CBLB: variants seen among roughly 807,000 people sequenced by gnomAD.
The protein encoded by CBLB is Cbl proto-oncogene B.
Under a neutral mutation model 104.9 loss-of-function variants are expected in CBLB, and 31 were observed. The ratio of observed to expected loss-of-function variants is 0.30; its 90% CI spans 0.22 to 0.40. The LOEUF (loss-of-function observed/expected upper bound fraction) is 0.40. CBLB is among the 10% of genes least tolerant of loss of function. CBLB has a pLI of 1.00. For missense variants in CBLB, 1,062 were observed against 1,214.6 expected (o/e 0.87, Z 1.87); for synonymous variants, 440 against 422.6 (o/e 1.04, Z -0.51).
chr3:105,779,506 T>C (rs528869555), intron 3 of CBLB, among the ~76,000 whole-genome samples: 1 of 150,640 alleles, frequency 6.6e-6, no homozygotes, highest in East Asian at 1.9e-4. Context: ...TATATGCATA[T>C]ATACATACAC....
chr3:105,707,670 T>C (rs2070378764), intron 10 of CBLB, among the ~76,000 whole-genome samples: 1 of 152,170 alleles, frequency 6.6e-6, no homozygotes, highest in South Asian at 2.1e-4. Context: ...TTTAATTTAT[T>C]TGAGTCATCA....
At chr3:105,688,928 C>T (rs2067335861) in intron 13 of CBLB, among the ~76,000 whole-genome samples, 1 of 152,052 alleles carries the variant, frequency 6.6e-6, no homozygotes, top group Non-Finnish European at 1.5e-5. Flanking sequence ...TTGCTTTGTA[C>T]TTGTGTTCTA....
At chr3:105,720,342 C>G in intron 9 of CBLB, 92 bp from the exon 10 acceptor site, 1 of 1,264,672 alleles carries the variant, frequency 7.9e-7, no homozygotes, top group Non-Finnish European at 1.1e-6. Flanking sequence ...AAAGTCACAC[C>G]CCCAAAAAGA....
At chr3:105,768,628 A>G (rs2078491503) in intron 4 of CBLB, among the ~76,000 whole-genome samples, 1 of 152,234 alleles carries the variant, frequency 6.6e-6, no homozygotes, top group African/African-American at 2.4e-5. Flanking sequence ...AATAACTCTA[A>G]TAAATGTGTC....
intron 2 of CBLB, among the ~76,000 whole-genome samples, chr3:105,859,559 G>A (rs1022910902): frequency 2.0e-5 from 3 of 151,470 alleles, no homozygotes; most frequent in Admixed American, 6.6e-5. Context: ...GGAGGCTGAG[G>A]CAGGAGAATG....
intron 3 of CBLB, among the ~76,000 whole-genome samples, chr3:105,823,360 C>T (rs758750427): frequency 3.3e-5 from 5 of 152,098 alleles, no homozygotes; most frequent in Admixed American, 6.5e-5. Flanking sequence ...AGGGGAAGGG[C>T]GAGAAGGGAT....
At chr3:105,824,136 C>G (rs1048860133) in intron 3 of CBLB, 4 of 152,200 alleles carry the variant, frequency 2.6e-5, no homozygotes, top group Admixed American at 2.6e-4. Context: ...TGTTTTCTTC[C>G]TGAAGCCTCA....
chr3:105,711,853 C>T (rs2071151156), intron 10 of CBLB, among the ~76,000 whole-genome samples: 1 of 152,086 alleles, frequency 6.6e-6, no homozygotes, highest in South Asian at 2.1e-4. Context: ...GAATTACTGT[C>T]TATGTTCCAC....
rs2069272947 is a variant in CBLB, at chr3:105,702,354, G to T, written c.1699C>A (p.Pro567Thr). The change falls in exon 12 of 19, where the codon CCA (proline) becomes ACA (threonine). Residue 567 changes from proline (P) to threonine (T), a missense_variant. Pro to Thr is a conservative substitution (Grantham distance 38, BLOSUM62 -1). Coordinates refer to ENST00000394030, the MANE Select transcript of CBLB (RefSeq NM_170662.5). The part of the protein sequence containing the change: ...PPPERPPPIP[P>T]DNRLSRHIHH... ...ATGTGTCTACTCAGTCTATTGTCTGGTGGGATTGGTGGAGGTCTTTCAGGT... is the reference window on the plus strand; with the variant it reads ...ATGTGTCTACTCAGTCTATTGTCTGTTGGGATTGGTGGAGGTCTTTCAGGT... 3 of 1,613,834 alleles carry T rather than the reference G, an allele frequency of 1.9e-6. No homozygotes were observed. Among genetic ancestry groups the T allele is most frequent in the Non-Finnish European group, 2.5e-6 (3 of 1,179,980 alleles).
intron 13 of CBLB, among the ~76,000 whole-genome samples, chr3:105,691,375 G>T (rs2067672733): frequency 6.6e-6 from 1 of 152,186 alleles, no homozygotes; most frequent in African/African-American, 2.4e-5. Flanking sequence ...GAGAAAGTAT[G>T]ACTAATTTTA....
At chr3:105,751,914 T>C (rs2399055) in intron 4 of CBLB, among the ~76,000 whole-genome samples, 37,632 of 152,118 alleles carry the variant, frequency 0.25, 4,852 homozygotes, top group Non-Finnish European at 0.28. Flanking sequence ...GTCAAAGTCT[T>C]ATGTGTCATG....
chr3:105,829,778 A>G (rs2087193250), intron 3 of CBLB, among the ~76,000 whole-genome samples: 1 of 146,326 alleles, frequency 6.8e-6, no homozygotes, highest in South Asian at 2.2e-4. Context: ...CTTCTACATT[A>G]TTATACTTTT....
chr3:105,700,596 G>A (rs1263931880), intron 12 of CBLB, among the ~76,000 whole-genome samples: 1 of 152,084 alleles, frequency 6.6e-6, no homozygotes, highest in African/African-American at 2.4e-5. Flanking sequence ...TATAAAATTG[G>A]TTTTATTAGT....
chr3:105,732,025 A>C (rs958122461), intron 9 of CBLB, among the ~76,000 whole-genome samples: 1 of 152,204 alleles, frequency 6.6e-6, no homozygotes, highest in Non-Finnish European at 1.5e-5. Context: ...TTCAGGGAGA[A>C]ATGCAAGGCT....
chr3:105,813,036 G>A (rs9856147), intron 3 of CBLB, among the ~76,000 whole-genome samples: 137,659 of 152,168 alleles, frequency 0.9, 62,660 homozygotes, highest in Non-Finnish European at 0.96. Flanking sequence ...CAAGCAGTAT[G>A]TTAATTCAAA....
At chr3:105,660,643 G>C (rs192752484) in intron 18 of CBLB, among the ~76,000 whole-genome samples, 6 of 152,280 alleles carry the variant, frequency 3.9e-5, no homozygotes, top group Admixed American at 1.3e-4. Flanking sequence ...ATGGTGATGT[G>C]AGGTTAAAAG....
Position 105,720,017 on chromosome 3 carries a change from C to A in CBLB, c.1407+30G>T, listed in dbSNP as rs745332236. 11 of 1,510,806 alleles carry A rather than the reference C, an allele frequency of 7.3e-6. No individual in the cohort carries two copies. The South Asian group carries it at 1.2e-4, about 17-fold the overall frequency. 93.6% of individuals were successfully genotyped at this position (1,510,806 alleles called of 1,614,324 possible). ...ATTTCCTTTTCATATGGTCACATCA[C>A]CTTAACTAAACCCATGTTTCTAGTT... On this transcript the variant is annotated intron_variant, in intron 10 of 18. Transcript: ENST00000394030.
chr3:105,730,071 T>C (rs1023554378), intron 9 of CBLB, among the ~76,000 whole-genome samples: 1 of 151,994 alleles, frequency 6.6e-6, no homozygotes, highest in Non-Finnish European at 1.5e-5. Flanking sequence ...TTTAGAATTA[T>C]TGACCTAAGA....
intron 18 of CBLB, among the ~76,000 whole-genome samples, chr3:105,667,428 T>C (rs1332005370): frequency 6.6e-6 from 1 of 152,182 alleles, no homozygotes; most frequent in East Asian, 1.9e-4. Flanking sequence ...ATGTGAATAA[T>C]ACATCCATGT....
Sources: gnomAD v4.1 joint callset for allele counts (sites outside exome capture counted in the v4.1 genomes callset) on GRCh38, gnomAD v4.1.1 for gene constraint, MANE v1.5 for transcripts, NCBI Gene and HGNC (gene_info 2026-07-23, HGNC 2026-07-21) for gene names.